PIGN: variants seen among roughly 807,000 people sequenced by gnomAD.
PIGN encodes the protein phosphatidylinositol glycan anchor biosynthesis class N.
Under a neutral mutation model 125.4 loss-of-function variants are expected in PIGN, and 117 were observed. The ratio of observed to expected loss-of-function variants is 0.93; its 90% confidence interval spans 0.80 to 1.09. The LOEUF is 1.09. Among genes scored for constraint, PIGN ranks in the 50% least tolerant of loss-of-function variants. The probability of loss-of-function intolerance (pLI) is 0.00; values close to 1 mark genes in which losing one functional copy is unlikely to be tolerated. For missense variants in PIGN, 1,075 were observed against 1,094.9 expected (o/e 0.98, Z 0.26); for synonymous variants, 392 against 377.8 (o/e 1.04, Z -0.44).
At chr18:62,032,819 A>T (rs72938020) in intron 23 of PIGN, among the ~76,000 whole-genome samples, 32,224 of 152,058 alleles carry the variant, frequency 0.21, 3,681 homozygotes, top group East Asian at 0.3. Context: ...TAAAGCATTT[A>T]AAACAGCGTC....
In PIGN at chr18:62,120,583, A is replaced by C. The variant is rs557397953; in HGVS notation, c.1173-5944T>G. On this transcript the variant is annotated intron_variant, in intron 14 of 30. Transcript: ENST00000640252. ...ATACTTATAATTAAAATATATAACA[A>C]TAACATCAAAGGTATGAAAGTTATT... 6.6e-5 allele frequency among the ~76,000 whole-genome samples: 10 copies of C among 152,174 alleles called. No individual in the cohort carries two copies. The East Asian group carries it at 7.7e-4, about 12-fold the overall frequency.
chr18:62,182,363 T>C (rs563916899), intron 1 of PIGN, among the ~76,000 whole-genome samples: 2 of 152,344 alleles, frequency 1.3e-5, no homozygotes, highest in African/African-American at 4.8e-5. Flanking sequence ...TCATAACATT[T>C]CCCATGAGCC....
intron 1 of PIGN, among the ~76,000 whole-genome samples, chr18:62,175,047 A>G (rs1410472571): frequency 7.2e-6 from 1 of 139,108 alleles, no homozygotes; most frequent in Admixed American, 7.9e-5. Context: ...TATTATAAAT[A>G]TATATTTTTA....
At chr18:62,161,867 T>A (rs2036964204) in intron 3 of PIGN, among the ~76,000 whole-genome samples, 1 of 145,440 alleles carries the variant, frequency 6.9e-6, no homozygotes, top group East Asian at 2.1e-4. Flanking sequence ...CTGAATTGAT[T>A]TAAATTATTC....
chr18:62,118,918 G>A (rs1487614105), intron 14 of PIGN, among the ~76,000 whole-genome samples: 1 of 151,184 alleles, frequency 6.6e-6, no homozygotes, highest in Admixed American at 6.6e-5. Context: ...ACACTCATTT[G>A]TATAGAACAA....
intron 1 of PIGN, among the ~76,000 whole-genome samples, chr18:62,168,397 TC>T (rs1167465436): frequency 3.3e-5 from 5 of 152,124 alleles, no homozygotes; most frequent in Non-Finnish European, 2.9e-5. Flanking sequence ...TGTTAACATT[TC>T]CCCTATTTGT....
Position 62,041,640 on chromosome 18 carries a change from G to GTGTGTGTGTGTGT in PIGN, c.*4215_*4216insACACACACACACA, listed in dbSNP as rs2030376218. The GTGTGTGTGTGTGT allele has an allele frequency of 2.6e-5, 2 of 77,540 alleles. No homozygotes were observed. Among genetic ancestry groups the GTGTGTGTGTGTGT allele is most frequent in the Admixed American group, 1.5e-4 (1 of 6,760 alleles). The allele number at this position is 77,540 out of a possible 1,614,324, so 4.8% of individuals were successfully genotyped here. A position where few individuals can be genotyped will look rare whatever the true frequency, so the allele number is the denominator to read the frequency against. ...ATTACAGGAGCCTACCACCCCGCCG[G>GTGTGTGTGTGTGT]GTGTGTGTGTGTGTGTGTGTGTGTG... is the stretch of plus-strand genomic sequence containing the variant. On this transcript the variant is annotated 3_prime_UTR_variant, in exon 31 of 31. Transcript: ENST00000640252.
chr18:62,022,797 A>ACAGTCATC (rs2030069259), intron 23 of PIGN, among the ~76,000 whole-genome samples: 1 of 152,248 alleles, frequency 6.6e-6, no homozygotes, highest in Non-Finnish European at 1.5e-5. Context: ...ACTTGTTAGT[A>ACAGTCATC]CAGTCATCCC....
chr18:62,047,963 ACAG>A (rs1203699397), intron 30 of PIGN, among the ~76,000 whole-genome samples: 1 of 152,206 alleles, frequency 6.6e-6, no homozygotes, highest in Non-Finnish European at 1.5e-5. Flanking sequence ...ACACAAAAAA[ACAG>A]AAAATCTGAG....
intron 1 of PIGN, among the ~76,000 whole-genome samples, chr18:62,177,236 C>T (rs1005560917): frequency 2.6e-5 from 4 of 152,120 alleles, no homozygotes; most frequent in Non-Finnish European, 5.9e-5. Flanking sequence ...TCTATAATTG[C>T]AATTGCCCCA....
intron 4 of PIGN, 92 bp from the exon 5 acceptor site, chr18:62,157,900 T>A (rs1052290160): frequency 8.1e-7 from 1 of 1,239,784 alleles, no homozygotes; most frequent in Non-Finnish European, 1.1e-6. Context: ...ACAGAAGGAA[T>A]CAAAAGCAAA....
At chr18:62,099,533 T>C (rs1245487833) in intron 22 of PIGN, among the ~76,000 whole-genome samples, 3 of 152,036 alleles carry the variant, frequency 2.0e-5, no homozygotes, top group South Asian at 2.1e-4. Context: ...GGAGGCATCA[T>C]GAAGTCAGGC....
At position 62,161,236 on chromosome 18, in the gene PIGN, G is replaced by A. The variant is rs1354379241; in HGVS notation, c.118C>T (p.Pro40Ser). Residue 40 changes from proline (P) to serine (S), a missense_variant, in exon 4 of 31, where the codon CCT becomes TCT. Pro to Ser is a moderately conservative substitution (Grantham distance 74). Around this residue, in one of 3 missense-constraint regions of PIGN, gnomAD observed 152 missense variants for 162.9 expected, o/e 0.93. Coordinates refer to ENST00000640252, the MANE Select transcript of PIGN (RefSeq NM_176787.5). ...HGMTPQFTPL[P>S]PPARRLVLFV... ...AACACTAATCTTCTCGCTGGAGGAGGCAATGGTGTAAACTGAGGAGTCATT... is the reference window on the plus strand; with the variant it reads ...AACACTAATCTTCTCGCTGGAGGAGACAATGGTGTAAACTGAGGAGTCATT... 6.2e-7 allele frequency: 1 copy of A among 1,613,614 alleles called. No individual in the cohort carries two copies. Among genetic ancestry groups the A allele is most frequent in the Non-Finnish European group, 8.5e-7 (1 of 1,179,584 alleles).
At chr18:62,049,488 G>A (rs1263025153) in intron 30 of PIGN, among the ~76,000 whole-genome samples, 2 of 151,930 alleles carry the variant, frequency 1.3e-5, no homozygotes, top group Admixed American at 1.3e-4. Context: ...TTTTTTGGCT[G>A]CATAAATGTC....
intron 14 of PIGN, among the ~76,000 whole-genome samples, chr18:62,129,158 T>C (rs1485330260): frequency 1.3e-5 from 2 of 152,110 alleles, no homozygotes; most frequent in African/African-American, 4.8e-5. Context: ...CTCTTCCCTT[T>C]CTCTAGTCGC....
intron 14 of PIGN, chr18:62,137,385 C>T (rs1418706804): frequency 1.2e-5 from 4 of 340,370 alleles, no homozygotes; most frequent in Admixed American, 9.6e-5. Flanking sequence ...TATTCTGGGA[C>T]GTCACCTTGT....
At chr18:62,116,288 A>C (rs911388263) in intron 14 of PIGN, among the ~76,000 whole-genome samples, 1 of 152,170 alleles carries the variant, frequency 6.6e-6, no homozygotes, top group Non-Finnish European at 1.5e-5. Context: ...TTTCCATAAA[A>C]GCTTTCTAGT....
intron 11 of PIGN, among the ~76,000 whole-genome samples, chr18:62,142,066 C>T (rs1434344848): frequency 6.6e-6 from 1 of 152,208 alleles, no homozygotes. Flanking sequence ...CACAGCTGCA[C>T]AAATCTCTGT....
chr18:62,124,701 A>G (rs1412105878), intron 14 of PIGN, among the ~76,000 whole-genome samples: 1 of 152,160 alleles, frequency 6.6e-6, no homozygotes, highest in African/African-American at 2.4e-5. Context: ...AATACCAGAC[A>G]TCATATGCCT....
Sources: allele counts gnomAD v4.1 joint callset (sites outside exome capture counted in the v4.1 genomes callset), GRCh38; gene constraint gnomAD v4.1.1; regional missense constraint gnomAD v4.1.1; transcripts MANE v1.5; gene names NCBI Gene and HGNC (gene_info 2026-07-23, HGNC 2026-07-21).